The following KIAA0319L variants were observed in gnomAD, a reference collection of about 807,000 sequenced individuals.
KIAA0319L encodes the protein dyslexia-associated protein KIAA0319-like protein.
KIAA0319L carries 55 observed loss-of-function variants against 120.1 expected under a neutral mutation model. That is an observed-to-expected ratio of 0.46 (90% confidence interval 0.37 to 0.57). The LOEUF is 0.57. KIAA0319L is among the 20% of genes least tolerant of loss of function. KIAA0319L has a pLI of 0.00. For synonymous variants in KIAA0319L, 398 were observed against 471.9 expected (o/e 0.84, Z 2.03); for missense variants, 1,049 against 1,255.3 (o/e 0.84, Z 2.48).
At chr1:35,480,565 T>G (rs1644120878) in intron 3 of KIAA0319L, among the ~76,000 whole-genome samples, 1 of 152,122 alleles carries the variant, frequency 6.6e-6, no homozygotes, top group South Asian at 2.1e-4. Flanking sequence ...GTGGAACATT[T>G]GAGGTAAGGA....
intron 6 of KIAA0319L, 140 bp from the exon 7 acceptor site, chr1:35,466,835 C>T: frequency 1.6e-6 from 1 of 641,656 alleles, no homozygotes. Context: ...GTAAAGTAGC[C>T]TGTAATCCTA....
intron 5 of KIAA0319L, among the ~76,000 whole-genome samples, chr1:35,473,005 T>G (rs571627973): frequency 1.7e-3 from 250 of 148,210 alleles, no homozygotes; most frequent in African/African-American, 6.2e-3. Flanking sequence ...GGTCTTGAAC[T>G]CCTGACCTCA....
chr1:35,436,832 A>G, intron 20 of KIAA0319L, among the ~76,000 whole-genome samples: 1 of 151,638 alleles, frequency 6.6e-6, no homozygotes, highest in East Asian at 1.9e-4. Flanking sequence ...GTCCGTCCAG[A>G]CTCCCGCGCA....
intron 2 of KIAA0319L, among the ~76,000 whole-genome samples, chr1:35,526,364 T>TATAC (rs1169777069): frequency 7.0e-6 from 1 of 142,140 alleles, no homozygotes; most frequent in Non-Finnish European, 1.5e-5. Context: ...TGTGTATATA[T>TATAC]ATACATACAT....
intron 2 of KIAA0319L, among the ~76,000 whole-genome samples, chr1:35,527,430 A>T (rs1239010417): frequency 2.0e-5 from 3 of 152,034 alleles, no homozygotes; most frequent in Non-Finnish European, 4.4e-5. Flanking sequence ...TGAATTAGAG[A>T]GAGTTTCTGC....
At position 35,449,864 on chromosome 1, in the gene KIAA0319L, C is replaced by T. The variant is rs755567047; in HGVS notation, c.2353+3G>A. 6.2e-7 allele frequency: 1 copy of T among 1,613,990 alleles called. No individual in the cohort carries two copies. The highest frequency in any genetic ancestry group is 1.1e-5 in the South Asian group (1 of 91,072). ...ACTCAGCCTCATCACTAAATGAACT[C>T]ACCAGGTTTCACCTCCACAGTGGTC... On this transcript the variant is annotated splice_donor_region_variant and intron_variant, in intron 15 of 20. Transcript: ENST00000325722.
chr1:35,483,282 C>T (rs1466365425), intron 3 of KIAA0319L, among the ~76,000 whole-genome samples: 1 of 152,158 alleles, frequency 6.6e-6, no homozygotes, highest in Non-Finnish European at 1.5e-5. Flanking sequence ...TTTTACAGTT[C>T]ATGCTTTCAG....
rs1166792094 is a variant in KIAA0319L, at chr1:35,506,732, T to C, written c.546A>G (p.Leu182=). ...TACCTCTCTTCTGAAGCTTCCTGAT[T>C]AAGCTCTGCTGGTCACTGGAAGATA... ...PAVSSSDQQS[L]IRKLQKRGSP... Residue 182 remains leucine, a synonymous_variant, in exon 3 of 21, where the codon TTA becomes TTG. Coordinates refer to ENST00000325722, the MANE Select transcript of KIAA0319L (RefSeq NM_024874.5). The surrounding 1 kb of genome is among the most constrained non-coding windows in gnomAD (Gnocchi z 4.0). The C allele has an allele frequency of 6.2e-7, 1 of 1,614,198 alleles. No homozygotes were observed. The highest frequency in any genetic ancestry group is 1.1e-5 in the South Asian group (1 of 91,080).
intron 2 of KIAA0319L, among the ~76,000 whole-genome samples, chr1:35,514,482 T>A (rs1645601344): frequency 6.6e-6 from 1 of 151,892 alleles, no homozygotes; most frequent in Non-Finnish European, 1.5e-5. Context: ...TTCTCACTTG[T>A]AAGGATGAGC....
chr1:35,545,007 G>A (rs1205360439), intron 2 of KIAA0319L, among the ~76,000 whole-genome samples: 3 of 152,168 alleles, frequency 2.0e-5, no homozygotes, highest in African/African-American at 7.2e-5. Context: ...CCCAGGAAGC[G>A]GAGATGTGAG....
chr1:35,506,807 G>A lies in KIAA0319L; in HGVS notation c.471C>T (p.Asn157=), dbSNP rs745910838. 7.4e-6 allele frequency: 12 copies of A among 1,614,104 alleles called. No individual in the cohort carries two copies. The East Asian group carries it at 2.7e-4, about 36-fold the overall frequency. ...DVPHLLGLGW[N]WASWRQSPPR... ...GTGGGCTCTGCCTCCAAGATGCCCA[G>A]TTCCAACCTAGCCCCAGAAGATGTG... The change falls in exon 3 of 21, where the codon AAC becomes AAT. Residue 157 remains asparagine, a synonymous_variant. Transcript: ENST00000325722. The surrounding 1 kb of genome is among the most constrained non-coding windows in gnomAD (Gnocchi z 4.0).
At chr1:35,490,848 G>A (rs1386512564) in intron 3 of KIAA0319L, among the ~76,000 whole-genome samples, 1 of 152,142 alleles carries the variant, frequency 6.6e-6, no homozygotes, top group East Asian at 1.9e-4. Flanking sequence ...TCTCATGATA[G>A]TGAGTGAGTT....
chr1:35,438,284 C>T (rs1640941569), intron 20 of KIAA0319L, among the ~76,000 whole-genome samples: 1 of 152,130 alleles, frequency 6.6e-6, no homozygotes. Context: ...TCTCTCCCAT[C>T]TCAGGGATAC....
intron 16 of KIAA0319L, among the ~76,000 whole-genome samples, chr1:35,445,522 C>G (rs1295470094): frequency 6.6e-6 from 1 of 152,180 alleles, no homozygotes; most frequent in African/African-American, 2.4e-5. Context: ...TCAACAGATA[C>G]CTCAAATCCA....
In KIAA0319L at chr1:35,506,871, G is replaced by A. The variant is rs1645226562; in HGVS notation, c.407C>T (p.Thr136Ile). 1 of 1,614,080 alleles carries A rather than the reference G, an allele frequency of 6.2e-7. No homozygotes were observed. Among genetic ancestry groups the A allele is most frequent in the African/African-American group, 1.3e-5 (1 of 74,926 alleles). ...SMLVFLKKFQ[T>I]ADDLGFLPED... ...AGGTAGAAAGCCCAAATCATCTGCA[G>A]TTTGGAATTTTTTTAAAAACACCAG... is the stretch of plus-strand genomic sequence containing the variant. Residue 136 changes from threonine to isoleucine, a missense_variant, in exon 3 of 21, where the codon ACT (threonine) becomes ATT (isoleucine). Coordinates refer to ENST00000325722, the MANE Select transcript of KIAA0319L (RefSeq NM_024874.5). This position sits in a 1 kb window ranked among gnomAD's most constrained non-coding sequence, Gnocchi z 4.0.
Position 35,466,715 on chromosome 1 carries a change from T to A in KIAA0319L, c.1114-20A>T. 1 of 1,500,308 alleles carries A rather than the reference T, an allele frequency of 6.7e-7. No individual in the cohort carries two copies. Among genetic ancestry groups the A allele is most frequent in the South Asian group, 1.1e-5 (1 of 88,588 alleles). The allele number at this position is 1,500,308 out of a possible 1,614,324, so 92.9% of individuals were successfully genotyped here. On this transcript the variant is annotated intron_variant, in intron 6 of 20. Transcript: ENST00000325722. Reference sequence around the variant, plus strand: ...AGTGAGCTGCAGAAGTGAGAGAAGATCTCTTAGACAATCACAAAGAGCAGG... The same window carrying A: ...AGTGAGCTGCAGAAGTGAGAGAAGAACTCTTAGACAATCACAAAGAGCAGG...
At position 35,441,088 on chromosome 1, in the gene KIAA0319L, G is replaced by A. The variant is rs746897102; in HGVS notation, c.2921C>T (p.Thr974Met). 25 of 1,614,030 alleles carry A rather than the reference G, an allele frequency of 1.5e-5. No individual in the cohort carries two copies. The African/African-American group carries it at 1.6e-4, about 10-fold the overall frequency. The change falls in exon 20 of 21, where the codon ACG (threonine) becomes ATG (methionine). Residue 974 changes from threonine to methionine, a missense_variant. Physicochemically the swap from Thr to Met is moderately conservative, Grantham distance 81. Coordinates refer to ENST00000325722, the MANE Select transcript of KIAA0319L (RefSeq NM_024874.5). ...RKSKYKILDA[T>M]DQESLELKPT... is the part of the protein sequence containing the mutation. ...CTTCAGCTCCAGGCTTTCCTGATCC[G>A]TGGCATCCAGGATCTTGTACTTGCT... is the stretch of plus-strand genomic sequence containing the variant.
chr1:35,440,272 G>A (rs1641104900), intron 20 of KIAA0319L: 1 of 152,216 alleles, frequency 6.6e-6, no homozygotes, highest in African/African-American at 2.4e-5. Flanking sequence ...CACAGCCTGT[G>A]TCTGATGACT....
chr1:35,492,454 C>T (rs1644633504), intron 3 of KIAA0319L, among the ~76,000 whole-genome samples: 1 of 151,992 alleles, frequency 6.6e-6, no homozygotes, highest in African/African-American at 2.4e-5. Context: ...GTGGAGGTTG[C>T]AGTGAGCCAA....
Sources: allele counts gnomAD v4.1 joint callset (sites outside exome capture counted in the v4.1 genomes callset), GRCh38; gene constraint gnomAD v4.1.1; non-coding constraint Gnocchi (gnomAD v3.1); transcripts MANE v1.5; gene names NCBI Gene and HGNC (gene_info 2026-07-23, HGNC 2026-07-21).